RAD9B: variants seen among roughly 807,000 people sequenced by gnomAD.
RAD9B encodes cell cycle checkpoint control protein RAD9B.
RAD9B carries 41 observed loss-of-function variants against 48.3 expected under a neutral mutation model. The ratio of observed to expected loss-of-function variants is 0.85; its 90% CI spans 0.66 to 1.10. RAD9B has a LOEUF of 1.10. Among genes scored for constraint, RAD9B ranks in the 50% least tolerant of loss-of-function variants. The probability of loss-of-function intolerance (pLI) is 0.00; values close to 1 mark genes in which losing one functional copy is unlikely to be tolerated. For missense variants in RAD9B, 444 were observed against 485.1 expected, an observed-to-expected ratio of 0.92 and a Z score of 0.80; for synonymous variants, 160 against 157.9, an observed-to-expected ratio of 1.01 and a Z score of -0.10.
At chr12:110,526,536 C>T (rs1330263097) in intron 10 of RAD9B, among the ~76,000 whole-genome samples, 5 of 152,168 alleles carry the variant, frequency 3.3e-5, no homozygotes, top group Admixed American at 2.0e-4. Context: ...TGAACAGACA[C>T]AGGTGCTGTA....
Position 110,518,561 on chromosome 12 carries a change from G to A in RAD9B, c.596-115G>A, listed in dbSNP as rs149344452. 3.2e-3 allele frequency: 1,885 copies of A among 596,834 alleles called. 12 individuals are homozygous for A. Among genetic ancestry groups the A allele is most frequent in the South Asian group, 7.3e-3 (288 of 39,218 alleles). The allele number at this position is 596,834 out of a possible 1,614,324, so 37.0% of individuals were successfully genotyped here. Reference sequence around the variant, plus strand: ...GCAGATATCAGGTGGGGAAGTTAGGGTACGTAGGGCAGGAGGAAATGGGAT... The same window carrying A: ...GCAGATATCAGGTGGGGAAGTTAGGATACGTAGGGCAGGAGGAAATGGGAT... On this transcript the variant is annotated intron_variant, in intron 6 of 10. Coordinates refer to ENST00000409300, the MANE Select transcript of RAD9B (RefSeq NM_001286535.2).
Position 110,531,508 on chromosome 12 carries a change from A to C in RAD9B, c.*855A>C. 1 of 1,162,304 alleles carries C rather than the reference A, an allele frequency of 8.6e-7. No individual in the cohort carries two copies. Among genetic ancestry groups the C allele is most frequent in the Non-Finnish European group, 1.3e-6 (1 of 788,042 alleles). 72.0% of individuals were successfully genotyped at this position (1,162,304 alleles called of 1,614,324 possible). A position where few individuals can be genotyped will look rare whatever the true frequency, so the allele number is the denominator to read the frequency against. Reference sequence around the variant, plus strand: ...CGCCCAACCTGGAGTGTTTTTACATATTGTAAAATTTTATTTCCTAACCTC... The same window carrying C: ...CGCCCAACCTGGAGTGTTTTTACATCTTGTAAAATTTTATTTCCTAACCTC... On this transcript the variant is annotated 3_prime_UTR_variant, in exon 11 of 11. Transcript: ENST00000409300.
chr12:110,507,536 A>AT (rs2063333465), intron 4 of RAD9B, among the ~76,000 whole-genome samples: 1 of 49,904 alleles, frequency 2.0e-5, no homozygotes, highest in African/African-American at 5.4e-5. Context: ...TATTAAATAT[A>AT]ATACATAATA....
rs1157975985 is a variant in RAD9B at position 110,518,720 on chromosome 12, G to T, written c.640G>T (p.Glu214Ter). 9.3e-6 allele frequency: 15 copies of T among 1,611,696 alleles called. No homozygotes were observed. In the Admixed American group the frequency reaches 2.5e-4, roughly 27 times the overall value. The change falls in exon 7 of 11, where the codon GAG (glutamate) becomes TAG (stop). Residue 214 changes from glutamate to a stop codon, truncating the protein, a stop_gained. Transcript: ENST00000409300. LOFTEE classifies it high-confidence loss of function. Reference sequence around the variant, plus strand: ...CAGTGAGATGTTTGTTGGCTCAGATGAGTTTGACTTCTTTCAAATTGGAAT... The same window carrying T: ...CAGTGAGATGTTTGTTGGCTCAGATTAGTTTGACTTCTTTCAAATTGGAAT... ...VHSEMFVGSD[E>*]FDFFQIGMDT...
At chr12:110,526,832 C>A (rs2135732583) in intron 10 of RAD9B, among the ~76,000 whole-genome samples, 1 of 151,728 alleles carries the variant, frequency 6.6e-6, no homozygotes, top group East Asian at 1.9e-4. Context: ...TGGCATGAAC[C>A]CAGGAGGCGG....
chr12:110,518,618 C>T, intron 6 of RAD9B, 58 bp from the exon 7 acceptor site: 1 of 1,282,084 alleles, frequency 7.8e-7, no homozygotes, highest in Non-Finnish European at 1.1e-6. Context: ...ATTCTTTTTT[C>T]CTCTAAATTC....
At chr12:110,518,538 A>C in intron 6 of RAD9B, 138 bp from the exon 7 acceptor site, 2 of 533,446 alleles carry the variant, frequency 3.7e-6, no homozygotes. Context: ...AATAGCATGC[A>C]GATATCAGGT....
In RAD9B at chr12:110,515,178, G is replaced by A; in HGVS notation, c.595+22G>A. 2.4e-6 allele frequency: 3 copies of A among 1,231,864 alleles called. No individual in the cohort carries two copies. In the South Asian group the frequency reaches 3.9e-5, roughly 16 times the overall value. 76.3% of individuals were successfully genotyped at this position (1,231,864 alleles called of 1,614,324 possible). On this transcript the variant is annotated intron_variant, in intron 6 of 10. Coordinates refer to ENST00000409300, the MANE Select transcript of RAD9B (RefSeq NM_001286535.2). ...ATGGGTAAAGATTGTATCTGAAATG[G>A]TGTTTTGATGGGTTATTACTTCCTG...
At chr12:110,518,376 C>T (rs1472646411) in intron 6 of RAD9B, among the ~76,000 whole-genome samples, 9 of 151,842 alleles carry the variant, frequency 5.9e-5, no homozygotes, top group Admixed American at 5.3e-4. Context: ...AAGAAGAAAA[C>T]AAAAAATTTA....
chr12:110,522,093 T>A, intron 9 of RAD9B, 84 bp from the exon 10 acceptor site: 3 of 883,316 alleles, frequency 3.4e-6, no homozygotes, highest in South Asian at 3.5e-5. Flanking sequence ...GTGCTATCAT[T>A]GTCATCCCAC....
intron 4 of RAD9B, 57 bp from the exon 5 acceptor site, chr12:110,512,718 CTTCT>C: frequency 1.4e-6 from 1 of 732,856 alleles, no homozygotes; most frequent in Non-Finnish European, 2.3e-6. Context: ...AACTTAAAGA[CTTCT>C]TTAATTTGTT....
intron 2 of RAD9B, among the ~76,000 whole-genome samples, chr12:110,504,474 G>A (rs1377557993): frequency 5.4e-5 from 7 of 130,768 alleles, no homozygotes; most frequent in Admixed American, 8.2e-5. Context: ...GTGAGACTCC[G>A]TCCCAAAAAA....
rs571079292 is a variant in RAD9B at position 110,529,529 on chromosome 12, T to C, written c.1126-996T>C. On this transcript the variant is annotated intron_variant, in intron 10 of 10. Transcript: ENST00000409300. ...ACTTTGGGAGGTGAAGGCAGGAGGA[T>C]TGCTTGAAGCCAGGAGTTTGAGACC... Among the ~76,000 whole-genome samples, 9 of 152,148 alleles carry C rather than the reference T, an allele frequency of 5.9e-5. No homozygotes were observed. In the South Asian group the frequency reaches 1.2e-3, roughly 21 times the overall value.
Position 110,503,792 on chromosome 12 carries a change from C to G in RAD9B, c.47-14C>G. ...GGGAAAGAATATAAGCATCACCTTT[C>G]TTTTTCTCCATAGTATTTGGGAAAG... On this transcript the variant is annotated splice_polypyrimidine_tract_variant and intron_variant, in intron 1 of 10. Coordinates refer to ENST00000409300, the MANE Select transcript of RAD9B (RefSeq NM_001286535.2). 6.3e-7 allele frequency: 1 copy of G among 1,595,046 alleles called. No individual in the cohort carries two copies.
At chr12:110,510,681 G>A (rs1219316017) in intron 4 of RAD9B, among the ~76,000 whole-genome samples, 1 of 152,164 alleles carries the variant, frequency 6.6e-6, no homozygotes, top group Non-Finnish European at 1.5e-5. Flanking sequence ...TATGTAATAT[G>A]TATGCTACAG....
chr12:110,502,363 TG>T lies in RAD9B; in HGVS notation c.27del (p.Met9IlefsTer6). On this transcript the variant is annotated frameshift_variant, in exon 1 of 11. Transcript: ENST00000409300. LOFTEE classifies it high-confidence loss of function. MAAMLKCV[M>X]SGSQVKVFGK... ...ATGGCAGCCATGCTGAAGTGCGTGA[TG>T]AGCGGCAGTCAGGTGAAAGGTGGAG... 6.2e-7 allele frequency: 1 copy of T among 1,613,846 alleles called. No homozygotes were observed. Among genetic ancestry groups the T allele is most frequent in the African/African-American group, 1.3e-5 (1 of 75,052 alleles).
At chr12:110,522,111 A>G (rs1358545817) in intron 9 of RAD9B, 66 bp from the exon 10 acceptor site, 10 of 1,032,766 alleles carry the variant, frequency 9.7e-6, no homozygotes, top group Non-Finnish European at 1.4e-5. Context: ...CACATTGTCC[A>G]TTAGTTATAT....
chr12:110,502,773 A>G (rs965301236), intron 1 of RAD9B: 3 of 168,270 alleles, frequency 1.8e-5, no homozygotes, highest in Non-Finnish European at 2.6e-5. Flanking sequence ...TTAAAAATGT[A>G]TGAACTTGGA....
At chr12:110,510,514 T>A (rs2063427678) in intron 4 of RAD9B, among the ~76,000 whole-genome samples, 1 of 152,112 alleles carries the variant, frequency 6.6e-6, no homozygotes, top group Admixed American at 6.6e-5. Flanking sequence ...TAAGAACCTT[T>A]CCACCAGCAT....
Sources: allele counts gnomAD v4.1 joint callset (sites outside exome capture counted in the v4.1 genomes callset), GRCh38; gene constraint gnomAD v4.1.1; transcripts MANE v1.5; gene names NCBI Gene and HGNC (gene_info 2026-07-23, HGNC 2026-07-21).